The following RALGAPB variants were observed in gnomAD, a reference collection of about 807,000 sequenced individuals.
RALGAPB encodes the protein Ral GTPase activating protein non-catalytic subunit beta.
A neutral mutation model predicts 161.1 loss-of-function variants in RALGAPB; 25 were observed. The observed-to-expected ratio is 0.16, with a 90% confidence interval of 0.11 to 0.22. The LOEUF (loss-of-function observed/expected upper bound fraction) is 0.22. Ranked by LOEUF, RALGAPB falls within the 10% of genes least tolerant of loss-of-function variation. The pLI, the probability that RALGAPB is intolerant of heterozygous loss-of-function variation, is 1.00. For synonymous variants in RALGAPB, 629 were observed against 626.1 expected (o/e 1.00, Z -0.07); for missense variants, 1,391 against 1,815.2 (o/e 0.77, Z 4.25).
intron 17 of RALGAPB, among the ~76,000 whole-genome samples, chr20:38,540,240 A>G (rs2086925907): frequency 6.6e-6 from 1 of 152,216 alleles, no homozygotes; most frequent in Non-Finnish European, 1.5e-5. Context: ...AAAGGATGGT[A>G]GCCTGGAGAT....
At chr20:38,550,081 G>A (rs2087320321) in intron 20 of RALGAPB, among the ~76,000 whole-genome samples, 1 of 152,120 alleles carries the variant, frequency 6.6e-6, no homozygotes, top group African/African-American at 2.4e-5. Context: ...ACTCATAGGT[G>A]GGAATTGAAC....
At chr20:38,507,676 G>C (rs921071744) in intron 5 of RALGAPB, among the ~76,000 whole-genome samples, 1 of 151,942 alleles carries the variant, frequency 6.6e-6, no homozygotes, top group Non-Finnish European at 1.5e-5. Flanking sequence ...GAGCCACTAT[G>C]CCAGCGTTGT....
intron 20 of RALGAPB, 142 bp from the exon 21 acceptor site, chr20:38,550,927 CTG>C (rs2087352684): frequency 2.3e-6 from 2 of 883,156 alleles, no homozygotes; most frequent in Admixed American, 4.7e-5. Context: ...TTGCTGTTAT[CTG>C]TAGCATTTGC....
At chr20:38,543,326 C>T (rs1012662050) in intron 18 of RALGAPB, among the ~76,000 whole-genome samples, 46 of 152,212 alleles carry the variant, frequency 3.0e-4, no homozygotes, top group Admixed American at 9.2e-4. Context: ...TCCCCATGTA[C>T]ATGAGCCAGT....
At chr20:38,525,733 G>A (rs1214550967) in intron 12 of RALGAPB, among the ~76,000 whole-genome samples, 162 bp from the exon 13 acceptor site, 2 of 151,670 alleles carry the variant, frequency 1.3e-5, no homozygotes, top group Non-Finnish European at 2.9e-5. Flanking sequence ...TATAGGCTAA[G>A]GACATCTATT....
chr20:38,559,067 TC>T (rs1054097030), intron 23 of RALGAPB, among the ~76,000 whole-genome samples: 1 of 152,146 alleles, frequency 6.6e-6, no homozygotes, highest in Non-Finnish European at 1.5e-5. Flanking sequence ...ATGCTTAGAG[TC>T]CTGAGTCTTT....
At chr20:38,477,508 G>T (rs2084841598) in intron 1 of RALGAPB, among the ~76,000 whole-genome samples, 1 of 152,130 alleles carries the variant, frequency 6.6e-6, no homozygotes, top group South Asian at 2.1e-4. Flanking sequence ...GTACATAGGT[G>T]AATACCTTCC....
chr20:38,498,717 T>A (rs963457581), intron 4 of RALGAPB, among the ~76,000 whole-genome samples: 4 of 152,254 alleles, frequency 2.6e-5, no homozygotes, highest in Non-Finnish European at 5.9e-5. Context: ...TCTGGAGCTA[T>A]GCGGTGTAAA....
intron 1 of RALGAPB, among the ~76,000 whole-genome samples, chr20:38,474,412 C>T (rs1286163063): frequency 2.0e-5 from 3 of 152,126 alleles, no homozygotes; most frequent in Non-Finnish European, 4.4e-5. Flanking sequence ...ACCTCAGCCT[C>T]TCAAGTAGCT....
In RALGAPB at chr20:38,554,180, A is replaced by C; in HGVS notation, c.3372+104A>C. 3 of 1,069,704 alleles carry C rather than the reference A, an allele frequency of 2.8e-6. 1 individual carries two copies. In the South Asian group the frequency reaches 4.7e-5, roughly 17 times the overall value. 66.3% of individuals were successfully genotyped at this position (1,069,704 alleles called of 1,614,324 possible). A position where few individuals can be genotyped will look rare whatever the true frequency, so the allele number is the denominator to read the frequency against. On this transcript the variant is annotated intron_variant, in intron 22 of 29. Coordinates refer to ENST00000262879, the MANE Select transcript of RALGAPB (RefSeq NM_020336.4). ...GGATAGAAGCGAATTAAAAAAAAAA[A>C]AAACTGGTTAAAATTTTAGCCTGCA...
rs746125681 is a variant in RALGAPB at position 38,517,876 on chromosome 20, A to G, written c.1293A>G (p.Pro431=). 6.2e-7 allele frequency: 1 copy of G among 1,613,820 alleles called. No individual in the cohort carries two copies. Among genetic ancestry groups the G allele is most frequent in the East Asian group, 2.2e-5 (1 of 44,878 alleles). Residue 431 remains proline, a synonymous_variant, in exon 9 of 30, where the codon CCA becomes CCG. Transcript: ENST00000262879. Reference sequence around the variant, plus strand: ...ATCAGACTAGTTCAGAACCCCGGCCACTGCCTGCCCCTCGGAGACCAAAGG... The same window carrying G: ...ATCAGACTAGTTCAGAACCCCGGCCGCTGCCTGCCCCTCGGAGACCAAAGG... ...SPNQTSSEPR[P]LPAPRRPKVN... is the part of the protein sequence containing the mutation.
intron 2 of RALGAPB, among the ~76,000 whole-genome samples, chr20:38,490,084 A>G (rs1483001676): frequency 6.6e-6 from 1 of 150,694 alleles, no homozygotes; most frequent in East Asian, 2.0e-4. Flanking sequence ...ACCTCGGCTC[A>G]CTGCAACTTC....
At chr20:38,559,061 T>TTAG (rs2087696731) in intron 23 of RALGAPB, among the ~76,000 whole-genome samples, 1 of 152,220 alleles carries the variant, frequency 6.6e-6, no homozygotes, top group South Asian at 2.1e-4. Flanking sequence ...ACTATGATGC[T>TTAG]TAGAGTCCTG....
At chr20:38,555,988 T>C (rs2087573832) in intron 22 of RALGAPB, among the ~76,000 whole-genome samples, 3 of 152,150 alleles carry the variant, frequency 2.0e-5, no homozygotes, top group Non-Finnish European at 2.9e-5. Context: ...CCAGGAAATA[T>C]TAATAAAGCT....
intron 26 of RALGAPB, chr20:38,569,660 C>CTTTTTTTTTTTTTTTT: frequency 4.3e-6 from 2 of 461,848 alleles, no homozygotes; most frequent in Non-Finnish European, 7.9e-6. Flanking sequence ...GTATTCCTTC[C>CTTTTTTTTTTTTTTTT]TTTTTTTTTC....
intron 22 of RALGAPB, among the ~76,000 whole-genome samples, chr20:38,556,850 T>A (rs1484255359): frequency 6.6e-6 from 1 of 152,226 alleles, no homozygotes; most frequent in Non-Finnish European, 1.5e-5. Context: ...GAAAATTTTT[T>A]ATATATTTGT....
Position 38,576,789 on chromosome 20 carries a change from C to G in RALGAPB, c.*1822C>G, listed in dbSNP as rs2088454680. On this transcript the variant is annotated 3_prime_UTR_variant, in exon 30 of 30. Coordinates refer to ENST00000262879, the MANE Select transcript of RALGAPB (RefSeq NM_020336.4). Reference sequence around the variant, plus strand: ...TTTGAGGGGAAAATGGGCTCTTGTTCTAGTTGAAGTGAGCAGAGAAGGCTA... The same window carrying G: ...TTTGAGGGGAAAATGGGCTCTTGTTGTAGTTGAAGTGAGCAGAGAAGGCTA... 6.6e-6 allele frequency: 1 copy of G among 152,566 alleles called. No individual in the cohort carries two copies. The highest frequency in any genetic ancestry group is 2.1e-4 in the South Asian group (1 of 4,828). The allele number at this position is 152,566 out of a possible 1,614,324, so 9.5% of individuals were successfully genotyped here. A position where few individuals can be genotyped will look rare whatever the true frequency, so the allele number is the denominator to read the frequency against.
At chr20:38,512,868 T>C (rs1021163842) in intron 6 of RALGAPB, among the ~76,000 whole-genome samples, 12 of 152,218 alleles carry the variant, frequency 7.9e-5, no homozygotes, top group Non-Finnish European at 2.9e-5. Flanking sequence ...CACGCCATTC[T>C]TCTGCCTCAG....
chr20:38,503,467 G>T lies in RALGAPB; in HGVS notation c.740+3834G>T, dbSNP rs535060311. On this transcript the variant is annotated intron_variant, in intron 5 of 29. Coordinates refer to ENST00000262879, the MANE Select transcript of RALGAPB (RefSeq NM_020336.4). The stretch of plus-strand genomic sequence containing the variant: ...AGTGGAAGAAGTCACTGCAGATGAG[G>T]TGGAGAAGTAGCAAGAGAACTACAA... Among the ~76,000 whole-genome samples the T allele has an allele frequency of 2.6e-5, 4 of 152,294 alleles. No individual in the cohort carries two copies. The South Asian group carries it at 8.3e-4, about 32-fold the overall frequency.
Sources: allele counts gnomAD v4.1 joint callset (sites outside exome capture counted in the v4.1 genomes callset), GRCh38; gene constraint gnomAD v4.1.1; transcripts MANE v1.5; gene names NCBI Gene and HGNC (gene_info 2026-07-23, HGNC 2026-07-21).